PCDHGA8: variants seen among roughly 807,000 people sequenced by gnomAD.
PCDHGA8 encodes the protein protocadherin gamma-A8.
PCDHGA8 carries 45 observed loss-of-function variants against 59.2 expected under a neutral mutation model. That is an observed-to-expected ratio of 0.76 (90% CI 0.60 to 0.98). The LOEUF (loss-of-function observed/expected upper bound fraction) is 0.98. Ranked by LOEUF, PCDHGA8 falls within the 50% of genes least tolerant of loss-of-function variation. The probability of loss-of-function intolerance (pLI) is 0.00; values close to 1 mark genes in which losing one functional copy is unlikely to be tolerated. For missense variants in PCDHGA8, 1,257 were observed against 1,196.2 expected, an observed-to-expected ratio of 1.05 and a Z score of -0.75; for synonymous variants, 531 against 519.0, an observed-to-expected ratio of 1.02 and a Z score of -0.32.
rs759226115 is a variant in PCDHGA8 at position 141,405,385 on chromosome 5, AT to A, written c.2424+10156del. On this transcript the variant is annotated intron_variant, in intron 1 of 3. Transcript: ENST00000398604. ...ACACCCCTTTGGTTCCGGTGAGTTC[AT>A]TTTTTTTCTTTCTTTCTTTTCTTTT... 1.8e-5 allele frequency: 29 copies of A among 1,599,886 alleles called. No homozygotes were observed. In the East Asian group the frequency reaches 2.2e-4, roughly 12 times the overall value.
chr5:141,458,609 A>T (rs1037852455), intron 1 of PCDHGA8, among the ~76,000 whole-genome samples: 1 of 152,004 alleles, frequency 6.6e-6, no homozygotes, highest in Non-Finnish European at 1.5e-5. Flanking sequence ...TCACTCTGTC[A>T]GCCAGGCTGG....
In PCDHGA8 at chr5:141,404,772, G is replaced by A. The variant is rs764262966; in HGVS notation, c.2424+9535G>A. On this transcript the variant is annotated intron_variant, in intron 1 of 3. Transcript: ENST00000398604. ...GGCCAGAATGCTTGGCTCTCCTACC[G>A]CCTATTCAAGGCCAGTGAGCCAGGG... The A allele has an allele frequency of 9.9e-6, 16 of 1,613,820 alleles. No individual in the cohort carries two copies. The highest frequency in any genetic ancestry group is 5.0e-5 in the Admixed American group (3 of 60,000).
Position 141,489,992 on chromosome 5 carries a change from TC to T in PCDHGA8, c.2425-4812del. The T allele has an allele frequency of 6.2e-7, 1 of 1,614,216 alleles. No individual in the cohort carries two copies. The highest frequency in any genetic ancestry group is 8.5e-7 in the Non-Finnish European group (1 of 1,180,016). On this transcript the variant is annotated intron_variant, in intron 1 of 3. Coordinates refer to ENST00000398604, the MANE Select transcript of PCDHGA8 (RefSeq NM_032088.2). The surrounding 1 kb of genome is among the most constrained non-coding windows in gnomAD (Gnocchi z 4.5). The stretch of plus-strand genomic sequence containing the variant: ...CAATCCTCAGTTCTACGTGTGGGAA[TC>T]CCAGAGAATGCACCCATTGGTACTC...
intron 2 of PCDHGA8, among the ~76,000 whole-genome samples, chr5:141,503,091 G>A (rs2099818095): frequency 6.6e-6 from 1 of 151,808 alleles, no homozygotes; most frequent in African/African-American, 2.4e-5. Flanking sequence ...CTGACCTCGT[G>A]GTCTGCCCGC....
At chr5:141,466,180 A>T (rs566514149) in intron 1 of PCDHGA8, among the ~76,000 whole-genome samples, 100 of 151,254 alleles carry the variant, frequency 6.6e-4, no homozygotes, top group African/African-American at 2.1e-3. Context: ...TTTTATTTTT[A>T]TTTTTTTTCA....
rs1465272752 is a variant in PCDHGA8 at position 141,394,528 on chromosome 5, C to A, written c.1715C>A (p.Ser572Tyr). ...TACCCCGCCCTCCCCACAGACGGTTCCACTGGCGTGGAGCTGGCGCCCCGC... is the reference window on the plus strand; with the variant it reads ...TACCCCGCCCTCCCCACAGACGGTTACACTGGCGTGGAGCTGGCGCCCCGC... ...ILYPALPTDGSTGVELAPRSA... is the reference protein window; with the variant it reads ...ILYPALPTDGYTGVELAPRSA... The change falls in exon 1 of 4, where the codon TCC (serine) becomes TAC (tyrosine). Residue 572 changes from serine (S) to tyrosine (Y), a missense_variant. Ser to Tyr is a moderately radical substitution (Grantham distance 144). Coordinates refer to ENST00000398604, the MANE Select transcript of PCDHGA8 (RefSeq NM_032088.2). 1 of 1,614,214 alleles carries A rather than the reference C, an allele frequency of 6.2e-7. No individual in the cohort carries two copies. The highest frequency in any genetic ancestry group is 8.5e-7 in the Non-Finnish European group (1 of 1,180,050).
rs373867677 is a variant in PCDHGA8 at position 141,432,049 on chromosome 5, G to A, written c.2424+36812G>A. The A allele has an allele frequency of 2.0e-5, 32 of 1,614,150 alleles. No individual in the cohort carries two copies. In the African/African-American group the frequency reaches 4.1e-4, roughly 21 times the overall value. ...TGACCGCCACTGACCGGGGAACCCC[G>A]CCCCTATCCACGGAAACTCATATCT... On this transcript the variant is annotated intron_variant, in intron 1 of 3. Coordinates refer to ENST00000398604, the MANE Select transcript of PCDHGA8 (RefSeq NM_032088.2). The surrounding 1 kb of genome is among the most constrained non-coding windows in gnomAD (Gnocchi z 6.0).
At chr5:141,465,150 G>A (rs192648619) in intron 1 of PCDHGA8, among the ~76,000 whole-genome samples, 474 of 151,492 alleles carry the variant, frequency 3.1e-3, no homozygotes, top group Middle Eastern at 0.024. Context: ...GATATATGAA[G>A]GGACTCTAAA....
chr5:141,434,517 G>A (rs1476955199), intron 1 of PCDHGA8, among the ~76,000 whole-genome samples: 1 of 152,212 alleles, frequency 6.6e-6, no homozygotes, highest in East Asian at 1.9e-4. Context: ...GCTTAAAGGT[G>A]TTCTTAAACC....
intron 1 of PCDHGA8, chr5:141,419,126 G>A: frequency 6.2e-7 from 1 of 1,613,770 alleles, no homozygotes; most frequent in Non-Finnish European, 8.5e-7. Context: ...CGTCACCATC[G>A]CAGCCACAGA....
intron 1 of PCDHGA8, chr5:141,414,187 T>A: frequency 6.2e-7 from 1 of 1,609,834 alleles, no homozygotes; most frequent in South Asian, 1.1e-5. Flanking sequence ...TGCAAAAGTG[T>A]TGATTACAGT....
In PCDHGA8 at chr5:141,431,955, GA is replaced by G; in HGVS notation, c.2424+36721del. ...CCCTTTAAATTAGAAAAATCTTACG[GA>G]AATTACTATAGTTTAGTCACAGACA... On this transcript the variant is annotated intron_variant, in intron 1 of 3. Coordinates refer to ENST00000398604, the MANE Select transcript of PCDHGA8 (RefSeq NM_032088.2). The surrounding 1 kb of genome is among the most constrained non-coding windows in gnomAD (Gnocchi z 4.8). The G allele has an allele frequency of 6.2e-7, 1 of 1,614,142 alleles. No homozygotes were observed. Among genetic ancestry groups the G allele is most frequent in the Non-Finnish European group, 8.5e-7 (1 of 1,180,024 alleles).
chr5:141,423,086 T>TG, intron 1 of PCDHGA8: 1 of 1,613,912 alleles, frequency 6.2e-7, no homozygotes, highest in South Asian at 1.1e-5. Flanking sequence ...CTCTTCGCGG[T>TG]GGGGGAGCAC....
At chr5:141,423,644 A>G in intron 1 of PCDHGA8, 1 of 1,592,866 alleles carries the variant, frequency 6.3e-7, no homozygotes, top group South Asian at 1.1e-5. Context: ...GGCAAATGTG[A>G]CCCGACAAGT....
rs1464357405 is a variant in PCDHGA8 at position 141,476,385 on chromosome 5, A to G, written c.2425-18422A>G. On this transcript the variant is annotated intron_variant, in intron 1 of 3. Coordinates refer to ENST00000398604, the MANE Select transcript of PCDHGA8 (RefSeq NM_032088.2). The surrounding 1 kb of genome is among the most constrained non-coding windows in gnomAD (Gnocchi z 7.6). ...GAGACCGGAGAGATGTTTGTGAACG[A>G]CCGTCTGGATCGAGAGGAGCTGTGT... The G allele has an allele frequency of 4.3e-6, 7 of 1,614,062 alleles. No homozygotes were observed. The highest frequency in any genetic ancestry group is 5.9e-6 in the Non-Finnish European group (7 of 1,180,020).
chr5:141,473,860 A>G (rs184722742), intron 1 of PCDHGA8, among the ~76,000 whole-genome samples: 409 of 152,318 alleles, frequency 2.7e-3, no homozygotes, highest in Middle Eastern at 6.8e-3. Context: ...GAACCTCGCT[A>G]TTGTGGAGAA....
At chr5:141,419,259 CG>C in intron 1 of PCDHGA8, 1 of 1,614,016 alleles carries the variant, frequency 6.2e-7, no homozygotes, top group Non-Finnish European at 8.5e-7. Context: ...AACAACCAGC[CG>C]GGTGCCTCCA....
intron 1 of PCDHGA8, chr5:141,409,446 C>A: frequency 6.2e-7 from 1 of 1,613,984 alleles, no homozygotes; most frequent in Middle Eastern, 1.6e-4. Flanking sequence ...CGAGAGCAGA[C>A]ACCAGAATAC....
chr5:141,403,030 C>T, intron 1 of PCDHGA8: 1 of 1,614,056 alleles, frequency 6.2e-7, no homozygotes, highest in Non-Finnish European at 8.5e-7. Flanking sequence ...TATGGGAGGC[C>T]AGGGCCAGTC....
Sources: allele counts gnomAD v4.1 joint callset (sites outside exome capture counted in the v4.1 genomes callset), GRCh38; gene constraint gnomAD v4.1.1; non-coding constraint Gnocchi (gnomAD v3.1); transcripts MANE v1.5; gene names NCBI Gene and HGNC (gene_info 2026-07-23, HGNC 2026-07-21).